Variants in AZIN1 observed in about 807,000 individuals in gnomAD.
AZIN1 encodes the protein ornithine decarboxylase antizyme inhibitor.
A neutral mutation model predicts 47.4 loss-of-function variants in AZIN1; 12 were observed. That is an observed-to-expected ratio of 0.25 (90% CI 0.16 to 0.41). AZIN1 has a LOEUF of 0.41. AZIN1 is among the 10% of genes least tolerant of loss of function. The pLI is 1.00. For synonymous variants in AZIN1, 155 were observed against 176.3 expected (o/e 0.88, Z 0.96); for missense variants, 410 against 532.4 (o/e 0.77, Z 2.26).
chr8:102,843,431 G>T, intron 3 of AZIN1, 120 bp downstream of exon 3: 1 of 810,584 alleles, frequency 1.2e-6, no homozygotes, highest in African/African-American at 1.7e-5. Flanking sequence ...GGAAGGTCAA[G>T]TTAAATCAGA....
At chr8:102,834,368 A>C in intron 7 of AZIN1, 105 bp from the exon 8 acceptor site, 1 of 874,934 alleles carries the variant, frequency 1.1e-6, no homozygotes. Context: ...TCTGATCTTT[A>C]GTACAGCAAA....
chr8:102,847,581 T>TG (rs1812647997), intron 2 of AZIN1, among the ~76,000 whole-genome samples: 1 of 151,678 alleles, frequency 6.6e-6, no homozygotes, highest in Non-Finnish European at 1.5e-5. Flanking sequence ...TTTTTTTTTT[T>TG]TTTGAGAAAA....
intron 9 of AZIN1, among the ~76,000 whole-genome samples, chr8:102,832,716 C>A (rs1471309143): frequency 2.0e-5 from 3 of 152,008 alleles, no homozygotes; most frequent in African/African-American, 7.3e-5. Context: ...TCTTGGCTCA[C>A]TGCAACCTCT....
At position 102,827,481 on chromosome 8, in the gene AZIN1, A is replaced by AC. The variant is rs1365324822; in HGVS notation, c.*1085dup. 1.3e-5 allele frequency: 2 copies of AC among 152,200 alleles called. No homozygotes were observed. The allele number at this position is 152,200 out of a possible 1,614,324, so 9.4% of individuals were successfully genotyped here. A position where few individuals can be genotyped will look rare whatever the true frequency, so the allele number is the denominator to read the frequency against. ...CAACTGAAGATAATAAGTGTGCTTC[A>AC]CCCCAACCCCCATCCCAACTCTGAA... On this transcript the variant is annotated 3_prime_UTR_variant, in exon 12 of 12. Coordinates refer to ENST00000337198, the MANE Select transcript of AZIN1 (RefSeq NM_148174.4).
rs1811153415 is a variant in AZIN1, at chr8:102,827,002, G to T, written c.*1565C>A. The T allele has an allele frequency of 1.3e-5, 2 of 152,488 alleles. No individual in the cohort carries two copies. Among genetic ancestry groups the T allele is most frequent in the African/African-American group, 4.8e-5 (2 of 41,384 alleles). 9.4% of individuals were successfully genotyped at this position (152,488 alleles called of 1,614,324 possible). A position where few individuals can be genotyped will look rare whatever the true frequency, so the allele number is the denominator to read the frequency against. The stretch of plus-strand genomic sequence containing the variant: ...AATCAAAAAATATTAAGCACCTACT[G>T]GTTTAAGAGATTTAAATTTATTAGA... On this transcript the variant is annotated 3_prime_UTR_variant, in exon 12 of 12. Transcript: ENST00000337198.
rs753543998 is a variant in AZIN1 at position 102,843,513 on chromosome 8, G to A, written c.102+38C>T. ...TAAAAAGCACTCGTTTCAGAGCTTGGAAAATGACAAACACTGTATTTGAGA... is the reference window on the plus strand; with the variant it reads ...TAAAAAGCACTCGTTTCAGAGCTTGAAAAATGACAAACACTGTATTTGAGA... On this transcript the variant is annotated intron_variant, in intron 3 of 11. Transcript: ENST00000337198. 20 of 1,554,696 alleles carry A rather than the reference G, an allele frequency of 1.3e-5. No homozygotes were observed. The East Asian group carries it at 3.1e-4, about 24-fold the overall frequency.
chr8:102,829,800 G>A, intron 10 of AZIN1, 21 bp downstream of exon 10: 1 of 1,537,772 alleles, frequency 6.5e-7, no homozygotes, highest in Non-Finnish European at 9.0e-7. Flanking sequence ...AATAGGTTTT[G>A]ATATTTCTGA....
intron 2 of AZIN1, among the ~76,000 whole-genome samples, chr8:102,848,268 C>T (rs757624445): frequency 6.7e-6 from 1 of 148,236 alleles, no homozygotes; most frequent in Admixed American, 6.9e-5. Flanking sequence ...CATTAAGCTA[C>T]CCATGCCTGT....
Position 102,839,825 on chromosome 8 carries a change from T to C in AZIN1, c.103-2A>G. ...CACAAAAAATGCATTTTTCCCTGTC[T>C]ATTATGGTTATAAAAAAAAAGACAA... On this transcript the variant is annotated splice_acceptor_variant, in intron 3 of 11. Transcript: ENST00000337198. LOFTEE classifies it high-confidence loss of function. 6.5e-7 allele frequency: 1 copy of C among 1,549,602 alleles called. No individual in the cohort carries two copies.
At chr8:102,861,764 C>T (rs1380175560) in intron 1 of AZIN1, among the ~76,000 whole-genome samples, 1 of 151,804 alleles carries the variant, frequency 6.6e-6, no homozygotes, top group Admixed American at 6.6e-5. Context: ...CAAGATCAGC[C>T]GGGCGCAGTG....
intron 6 of AZIN1, among the ~76,000 whole-genome samples, chr8:102,835,738 A>G (rs907392420): frequency 1.3e-5 from 2 of 152,222 alleles, no homozygotes; most frequent in Non-Finnish European, 2.9e-5. Context: ...TAAAAGTAGC[A>G]ATGGGCTGGC....
chr8:102,836,530 T>C lies in AZIN1; in HGVS notation c.450-140A>G, dbSNP rs530684726. The C allele has an allele frequency of 1.9e-4, 168 of 881,450 alleles. 1 individual carries two copies. The Middle Eastern group carries it at 0.012, about 62-fold the overall frequency. 54.6% of individuals were successfully genotyped at this position (881,450 alleles called of 1,614,324 possible). ...CGACGGATGAATCAAGTGAACCTAA[T>C]GAAAAACAATCCTGTATAGAGAAAA... is the stretch of plus-strand genomic sequence containing the variant. On this transcript the variant is annotated intron_variant, in intron 5 of 11. Coordinates refer to ENST00000337198, the MANE Select transcript of AZIN1 (RefSeq NM_148174.4).
At chr8:102,848,323 C>CAAAAAAAAAAA (rs60663839) in intron 2 of AZIN1, among the ~76,000 whole-genome samples, 2 of 91,588 alleles carry the variant, frequency 2.2e-5, no homozygotes, top group Admixed American at 1.3e-4. Context: ...ACTAAAAGGC[C>CAAAAAAAAAAA]AAAAAAAAAA....
chr8:102,850,923 T>G (rs545009941), intron 2 of AZIN1, among the ~76,000 whole-genome samples: 5 of 152,346 alleles, frequency 3.3e-5, no homozygotes, highest in Admixed American at 6.5e-5. Context: ...AGTGCCTGTG[T>G]AAAGACTGCC....
In AZIN1 at chr8:102,826,316, A is replaced by G. The variant is rs1811110154; in HGVS notation, c.*2251T>C. 1 of 152,636 alleles carries G rather than the reference A, an allele frequency of 6.6e-6. No individual in the cohort carries two copies. Among genetic ancestry groups the G allele is most frequent in the South Asian group, 2.1e-4 (1 of 4,834 alleles). The allele number at this position is 152,636 out of a possible 1,614,324, so 9.5% of individuals were successfully genotyped here. A position where few individuals can be genotyped will look rare whatever the true frequency, so the allele number is the denominator to read the frequency against. On this transcript the variant is annotated 3_prime_UTR_variant, in exon 12 of 12. Transcript: ENST00000337198. ...GTTAATACACATAAAGCTGATATGT[A>G]AAATTTTACCTCTATTTCAGATAGA...
chr8:102,830,095 G>A, intron 9 of AZIN1, 159 bp from the exon 10 acceptor site: 2 of 580,552 alleles, frequency 3.4e-6, no homozygotes, highest in Non-Finnish European at 6.1e-6. Context: ...CAAGAAAAGA[G>A]TGCTCTAGGG....
chr8:102,847,367 A>T (rs986027128), intron 2 of AZIN1, among the ~76,000 whole-genome samples: 15 of 146,990 alleles, frequency 1.0e-4, no homozygotes, highest in South Asian at 2.2e-4. Flanking sequence ...AAAAAAAAAA[A>T]AACAATAAAG....
rs1390847675 is a variant in AZIN1 at position 102,828,812 on chromosome 8, A to G, written c.1236-134T>C. On this transcript the variant is annotated intron_variant, in intron 11 of 11. Coordinates refer to ENST00000337198, the MANE Select transcript of AZIN1 (RefSeq NM_148174.4). Reference sequence around the variant, plus strand: ...TAAAAGATCATCATTTTTCTATGATAGTCATGCACTGCAGAGTGATGTTTT... The same window carrying G: ...TAAAAGATCATCATTTTTCTATGATGGTCATGCACTGCAGAGTGATGTTTT... 11 of 609,514 alleles carry G rather than the reference A, an allele frequency of 1.8e-5. 1 individual carries two copies. The East Asian group carries it at 3.1e-4, about 17-fold the overall frequency. The allele number at this position is 609,514 out of a possible 1,614,324, so 37.8% of individuals were successfully genotyped here. A position where few individuals can be genotyped will look rare whatever the true frequency, so the allele number is the denominator to read the frequency against.
At chr8:102,854,553 T>A (rs1813145072) in intron 2 of AZIN1, 1 of 146,380 alleles carries the variant, frequency 6.8e-6, no homozygotes, top group African/African-American at 2.5e-5. Flanking sequence ...GCCAAGATTG[T>A]GCCACTGCAC....
Sources: allele counts gnomAD v4.1 joint callset (sites outside exome capture counted in the v4.1 genomes callset), GRCh38; gene constraint gnomAD v4.1.1; transcripts MANE v1.5; gene names NCBI Gene and HGNC (gene_info 2026-07-23, HGNC 2026-07-21).